Variants in SUPT3H observed in about 807,000 individuals in gnomAD.
SUPT3H encodes SPT3 homolog, SAGA and STAGA complex component, also known as transcription initiation protein SPT3 homolog.
In SUPT3H, 44 loss-of-function variants were observed where a neutral mutation model predicts 44.3. The ratio of observed to expected loss-of-function variants is 0.99; its 90% confidence interval spans 0.78 to 1.28. The LOEUF (loss-of-function observed/expected upper bound fraction) is 1.28. Among genes scored for constraint, SUPT3H ranks in the 50% most tolerant of loss-of-function variants. The probability of loss-of-function intolerance (pLI) is 0.00; values close to 1 mark genes in which losing one functional copy is unlikely to be tolerated. For missense variants in SUPT3H, 380 were observed against 387.1 expected (o/e 0.98, Z 0.15); for synonymous variants, 124 against 125.6 (o/e 0.99, Z 0.09).
intron 3 of SUPT3H, among the ~76,000 whole-genome samples, chr6:45,024,820 T>C (rs1465528340): frequency 6.6e-6 from 1 of 152,154 alleles, no homozygotes; most frequent in East Asian, 1.9e-4. Flanking sequence ...GTTGAAGACA[T>C]GGATAGAACA....
intron 5 of SUPT3H, 151 bp downstream of exon 5, chr6:45,014,650 A>G (rs1321572738): frequency 4.4e-6 from 2 of 459,064 alleles, no homozygotes; most frequent in Admixed American, 4.2e-5. Context: ...TTTTATCAGA[A>G]ATATATACTT....
At chr6:45,332,460 G>C (rs780915880) in intron 2 of SUPT3H, among the ~76,000 whole-genome samples, 7 of 151,642 alleles carry the variant, frequency 4.6e-5, no homozygotes, top group Non-Finnish European at 8.8e-5. Context: ...GTGCATACTT[G>C]AAAATTGACG....
At chr6:45,179,679 C>T (rs373881814) in intron 2 of SUPT3H, among the ~76,000 whole-genome samples, 5 of 152,264 alleles carry the variant, frequency 3.3e-5, no homozygotes, top group African/African-American at 4.8e-5. Context: ...AATTCAACAA[C>T]GCTTCATGCT....
chr6:45,181,749 G>A (rs1456579827), intron 2 of SUPT3H, among the ~76,000 whole-genome samples: 1 of 151,258 alleles, frequency 6.6e-6, no homozygotes, highest in African/African-American at 2.4e-5. Context: ...ATAGCACTGG[G>A]AGATATACCT....
intron 3 of SUPT3H, among the ~76,000 whole-genome samples, chr6:45,084,618 C>T (rs1448121571): frequency 6.6e-6 from 1 of 152,082 alleles, no homozygotes; most frequent in Non-Finnish European, 1.5e-5. Context: ...AATGTGTATA[C>T]ACTCAAAGGA....
At chr6:45,218,341 C>T (rs540908612) in intron 2 of SUPT3H, among the ~76,000 whole-genome samples, 1 of 152,016 alleles carries the variant, frequency 6.6e-6, no homozygotes, top group South Asian at 2.1e-4. Flanking sequence ...AACAGAGTCT[C>T]GAATACATAA....
intron 2 of SUPT3H, among the ~76,000 whole-genome samples, chr6:45,294,948 A>C (rs965647630): frequency 2.6e-5 from 4 of 152,112 alleles, no homozygotes; most frequent in Non-Finnish European, 5.9e-5. Context: ...CACCAATGCA[A>C]TTCCCATGAA....
At chr6:45,015,845 G>A (rs1299889318) in intron 4 of SUPT3H, among the ~76,000 whole-genome samples, 3 of 151,504 alleles carry the variant, frequency 2.0e-5, no homozygotes, top group African/African-American at 4.9e-5. Context: ...GGTCAGGACC[G>A]TCAATATCAC....
intron 10 of SUPT3H, among the ~76,000 whole-genome samples, chr6:44,849,674 G>A (rs894279040): frequency 2.6e-5 from 4 of 152,134 alleles, no homozygotes; most frequent in Non-Finnish European, 5.9e-5. Flanking sequence ...CACAGACATA[G>A]TCCTCTATTC....
chr6:45,178,577 T>A (rs951292339), intron 2 of SUPT3H, among the ~76,000 whole-genome samples: 13 of 151,960 alleles, frequency 8.6e-5, no homozygotes, highest in African/African-American at 2.4e-4. Flanking sequence ...AATAGACATC[T>A]ACAGAACTCT....
chr6:45,060,481 A>C (rs1283628672), intron 3 of SUPT3H, among the ~76,000 whole-genome samples: 2 of 152,118 alleles, frequency 1.3e-5, no homozygotes, highest in African/African-American at 2.4e-5. Context: ...TGTAAAACCC[A>C]AAACTATACT....
intron 10 of SUPT3H, among the ~76,000 whole-genome samples, chr6:44,845,520 C>T (rs1771713050): frequency 6.6e-6 from 1 of 152,180 alleles, no homozygotes; most frequent in Non-Finnish European, 1.5e-5. Context: ...GAGGGCTCCA[C>T]CCTAGGGCCT....
intron 6 of SUPT3H, among the ~76,000 whole-genome samples, chr6:44,984,169 T>C (rs962652371): frequency 1.3e-5 from 2 of 152,118 alleles, no homozygotes; most frequent in Non-Finnish European, 2.9e-5. Context: ...CTTCTAGCGA[T>C]GGTGCCAAGT....
At chr6:45,320,266 GT>G (rs991352994) in intron 2 of SUPT3H, among the ~76,000 whole-genome samples, 10 of 151,670 alleles carry the variant, frequency 6.6e-5, no homozygotes, top group African/African-American at 1.2e-4. Context: ...AGCTTCCCAG[GT>G]TTTTTTTGTT....
intron 1 of SUPT3H, among the ~76,000 whole-genome samples, chr6:45,369,150 TATCTC>T (rs1009124665): frequency 3.9e-5 from 6 of 152,232 alleles, no homozygotes; most frequent in African/African-American, 1.4e-4. Flanking sequence ...TTTATAAACT[TATCTC>T]AAATCAGTCA....
chr6:45,226,396 G>C (rs1387243401), intron 2 of SUPT3H, among the ~76,000 whole-genome samples: 1 of 152,066 alleles, frequency 6.6e-6, no homozygotes, highest in Non-Finnish European at 1.5e-5. Flanking sequence ...TTTTAAGCCT[G>C]CATGATGACT....
intron 2 of SUPT3H, among the ~76,000 whole-genome samples, chr6:45,299,622 A>C (rs539389217): frequency 2.6e-5 from 4 of 152,036 alleles, no homozygotes; most frequent in Non-Finnish European, 5.9e-5. Flanking sequence ...TCAGAAAACA[A>C]ATTTTAATGG....
At chr6:44,918,854 G>T (rs187868323) in intron 10 of SUPT3H, among the ~76,000 whole-genome samples, 1 of 152,192 alleles carries the variant, frequency 6.6e-6, no homozygotes, top group Non-Finnish European at 1.5e-5. Context: ...CCAGATGCGG[G>T]TGTACAAAAA....
At chr6:45,307,397 C>T (rs1012315916) in intron 2 of SUPT3H, among the ~76,000 whole-genome samples, 9 of 152,222 alleles carry the variant, frequency 5.9e-5, no homozygotes, top group Non-Finnish European at 1.5e-5. Context: ...CCTCATACGG[C>T]TGGGTACCCC....
Sources: gnomAD v4.1 joint callset for allele counts (sites outside exome capture counted in the v4.1 genomes callset) on GRCh38, gnomAD v4.1.1 for gene constraint, MANE v1.5 for transcripts, NCBI Gene and HGNC (gene_info 2026-07-23, HGNC 2026-07-21) for gene names.